Variants in IFT122 observed in about 807,000 individuals in gnomAD.
IFT122 encodes the protein intraflagellar transport 122.
In IFT122, 118 loss-of-function variants were observed where a neutral mutation model predicts 161.6. The ratio of observed to expected loss-of-function variants is 0.73; its 90% CI spans 0.63 to 0.85. IFT122 has a LOEUF of 0.85. IFT122 is among the 40% of genes least tolerant of loss of function. The pLI is 0.00. For synonymous variants in IFT122, 550 were observed against 602.4 expected, an observed-to-expected ratio of 0.91 and a Z score of 1.27; for missense variants, 1,381 against 1,579.6, an observed-to-expected ratio of 0.87 and a Z score of 2.13.
At chr3:129,441,271 C>G (rs916845049) in intron 1 of IFT122, among the ~76,000 whole-genome samples, 1 of 152,210 alleles carries the variant, frequency 6.6e-6, no homozygotes, top group Non-Finnish European at 1.5e-5. Context: ...CTTCTGAGAT[C>G]TTTCTCTGTG....
chr3:129,462,926 G>A (rs191071992), intron 5 of IFT122, among the ~76,000 whole-genome samples: 2 of 152,238 alleles, frequency 1.3e-5, no homozygotes, highest in Non-Finnish European at 2.9e-5. Flanking sequence ...TTTTCAGAAA[G>A]CATCATTGTT....
chr3:129,450,010 C>CT, intron 2 of IFT122, 73 bp downstream of exon 2: 1 of 973,616 alleles, frequency 1.0e-6, no homozygotes, highest in South Asian at 1.4e-5. Flanking sequence ...GAAATTTGAC[C>CT]CTTTTTTTTT....
chr3:129,457,730 T>C (rs9865445), intron 3 of IFT122, among the ~76,000 whole-genome samples: 1,776 of 145,984 alleles, frequency 0.012, 34 homozygotes, highest in African/African-American at 0.041. Flanking sequence ...GGCACAGGAA[T>C]AGTTTTTTTT....
chr3:129,519,753 C>T (rs2108734964), intron 29 of IFT122, 21 bp downstream of exon 29: 1 of 1,612,816 alleles, frequency 6.2e-7, no homozygotes, highest in Non-Finnish European at 8.5e-7. Context: ...ACCCTGGTAG[C>T]TCACATGTGC....
At chr3:129,488,476 C>T (rs1400400967) in intron 16 of IFT122, 79 bp downstream of exon 16, 8 of 1,586,926 alleles carry the variant, frequency 5.0e-6, no homozygotes, top group East Asian at 4.5e-5. Flanking sequence ...CCAGGTGGCA[C>T]GGAGAGGCCA....
At chr3:129,514,311 G>A in intron 24 of IFT122, 78 bp from the exon 25 acceptor site, 1 of 1,506,646 alleles carries the variant, frequency 6.6e-7, no homozygotes, top group Non-Finnish European at 9.1e-7. Context: ...TTCCAGCCTG[G>A]GGCTCACTCC....
At chr3:129,505,687 A>T (rs1280422772) in intron 21 of IFT122, among the ~76,000 whole-genome samples, 3 of 152,256 alleles carry the variant, frequency 2.0e-5, no homozygotes, top group Non-Finnish European at 2.9e-5. Context: ...ACTGGCAGCC[A>T]CCAACATCTC....
intron 20 of IFT122, chr3:129,503,962 A>T: frequency 2.8e-6 from 1 of 351,936 alleles, no homozygotes; most frequent in Non-Finnish European, 5.5e-6. Flanking sequence ...TGATAATGTC[A>T]ATTCTGTTTC....
At chr3:129,488,944 T>A (rs2079673963) in intron 16 of IFT122, among the ~76,000 whole-genome samples, 1 of 152,126 alleles carries the variant, frequency 6.6e-6, no homozygotes, top group Non-Finnish European at 1.5e-5. Flanking sequence ...TTGTGTCCTT[T>A]CCTGGCCTAG....
At chr3:129,485,247 CT>C (rs1397912298) in intron 15 of IFT122, among the ~76,000 whole-genome samples, 1 of 152,196 alleles carries the variant, frequency 6.6e-6, no homozygotes, top group Non-Finnish European at 1.5e-5. Flanking sequence ...CTTTGAAAGA[CT>C]TTTAGGGAAA....
At position 129,509,427 on chromosome 3, in the gene IFT122, T is replaced by A. The variant is rs554564820; in HGVS notation, c.2886+1665T>A. 7.2e-5 allele frequency among the ~76,000 whole-genome samples: 11 copies of A among 152,328 alleles called. No homozygotes were observed. The South Asian group carries it at 2.3e-3, about 32-fold the overall frequency. The stretch of plus-strand genomic sequence containing the variant: ...CTCATCTTCAAGCCTCTCATCTCCT[T>A]TGCAAAACTTCTTGAACCACCACTG... On this transcript the variant is annotated intron_variant, in intron 23 of 29. Transcript: ENST00000348417.
chr3:129,481,632 G>T lies in IFT122; in HGVS notation c.1591G>T (p.Val531Leu), dbSNP rs779410469. Residue 531 changes from valine to leucine, a missense_variant, in exon 14 of 30, where the codon GTG (valine) becomes TTG (leucine). By Grantham distance (32) the Val-to-Leu change is conservative (BLOSUM62 1). This residue lies in a region of IFT122 where 544 missense variants were observed against 648.0 expected (regional missense o/e 0.84). Coordinates refer to ENST00000348417, the MANE Select transcript of IFT122 (RefSeq NM_052989.3). ...GAGTGCCTCCCGTAAGAAGCTGGCC[G>T]TGGTAGATGAAAATGACACTTGCCT... is the stretch of plus-strand genomic sequence containing the variant. The part of the protein sequence containing the change: ...DMSASRKKLA[V>L]VDENDTCLVY... 2 of 1,610,778 alleles carry T rather than the reference G, an allele frequency of 1.2e-6. No homozygotes were observed. The highest frequency in any genetic ancestry group is 1.7e-6 in the Non-Finnish European group (2 of 1,176,932).
chr3:129,486,800 G>A (rs2079336364), intron 15 of IFT122, among the ~76,000 whole-genome samples: 1 of 152,204 alleles, frequency 6.6e-6, no homozygotes, highest in African/African-American at 2.4e-5. Flanking sequence ...GAGCTGGGCA[G>A]GACATCTAAA....
At chr3:129,520,044 G>A (rs900753988) in intron 29 of IFT122, 132 bp from the exon 30 acceptor site, 28 of 765,780 alleles carry the variant, frequency 3.7e-5, no homozygotes, top group African/African-American at 2.7e-4. Context: ...TCAAACAAAG[G>A]TGCTGCAGGT....
chr3:129,501,952 C>A (rs1186434596), intron 19 of IFT122, among the ~76,000 whole-genome samples: 1 of 152,196 alleles, frequency 6.6e-6, no homozygotes, highest in African/African-American at 2.4e-5. Context: ...CTGGGTAGAA[C>A]CCTTTCTCCT....
In IFT122 at chr3:129,466,735, T is replaced by G. The variant is rs570090189; in HGVS notation, c.564-155T>G. Among the ~76,000 whole-genome samples the G allele has an allele frequency of 2.0e-5, 3 of 152,246 alleles. No individual in the cohort carries two copies. The South Asian group carries it at 6.2e-4, about 32-fold the overall frequency. On this transcript the variant is annotated intron_variant, in intron 7 of 29. Coordinates refer to ENST00000348417, the MANE Select transcript of IFT122 (RefSeq NM_052989.3). The stretch of plus-strand genomic sequence containing the variant: ...CCAGGCTGGTCTTGAACTCCTGATC[T>G]CGAGCGATTCACTTGCCTCGGCCTC...
chr3:129,518,606 T>G (rs1027022696), intron 27 of IFT122, among the ~76,000 whole-genome samples: 3 of 152,118 alleles, frequency 2.0e-5, no homozygotes, highest in African/African-American at 7.2e-5. Context: ...CACTCCAACT[T>G]GGTACCAGCA....
chr3:129,497,347 A>G (rs2080991335), intron 18 of IFT122, among the ~76,000 whole-genome samples: 1 of 152,182 alleles, frequency 6.6e-6, no homozygotes, highest in Admixed American at 6.5e-5. Context: ...TGACCTGGGG[A>G]AAGGCTCTTC....
At chr3:129,459,066 C>T (rs66756682) in intron 4 of IFT122, among the ~76,000 whole-genome samples, 20,178 of 152,108 alleles carry the variant, frequency 0.13, 1,709 homozygotes, top group South Asian at 0.24. Context: ...GGGGATCTGC[C>T]GTGTTCTTCC....
Sources: allele counts gnomAD v4.1 joint callset (sites outside exome capture counted in the v4.1 genomes callset), GRCh38; gene constraint gnomAD v4.1.1; regional missense constraint gnomAD v4.1.1; transcripts MANE v1.5; gene names NCBI Gene and HGNC (gene_info 2026-07-23, HGNC 2026-07-21).